The following RHBG variants were observed in gnomAD, a reference collection of about 807,000 sequenced individuals.
RHBG encodes the protein ammonium transporter Rh type B.
A neutral mutation model predicts 40.1 loss-of-function variants in RHBG; 39 were observed. The ratio of observed to expected loss-of-function variants is 0.97; its 90% CI spans 0.75 to 1.27. The LOEUF (loss-of-function observed/expected upper bound fraction) is 1.27. RHBG is among the 50% of genes most tolerant of loss of function. The probability of loss-of-function intolerance (pLI) is 0.00; values close to 1 mark genes in which losing one functional copy is unlikely to be tolerated. For missense variants in RHBG, 549 were observed against 588.1 expected (o/e 0.93, Z 0.69); for synonymous variants, 237 against 252.5 (o/e 0.94, Z 0.58).
Position 156,385,039 on chromosome 1 carries a change from C to T in RHBG, c.*194C>T. The stretch of plus-strand genomic sequence containing the variant: ...GGCTGGGAAATGGTGGGGAGTGGGG[C>T]CGTAACTGGGTACAATAGGGGGAAC... On this transcript the variant is annotated 3_prime_UTR_variant, in exon 10 of 10. Transcript: ENST00000537040. The T allele has an allele frequency of 1.8e-6, 1 of 557,550 alleles. No individual in the cohort carries two copies. The highest frequency in any genetic ancestry group is 3.0e-5 in the Admixed American group (1 of 33,048). 34.5% of individuals were successfully genotyped at this position (557,550 alleles called of 1,614,324 possible). A position where few individuals can be genotyped will look rare whatever the true frequency, so the allele number is the denominator to read the frequency against.
chr1:156,378,779 C>A (rs1055341027), intron 4 of RHBG, among the ~76,000 whole-genome samples: 1 of 152,146 alleles, frequency 6.6e-6, no homozygotes, highest in Non-Finnish European at 1.5e-5. Context: ...CACCTCCAGG[C>A]CTTTGCCTGT....
rs2101785748 is a variant in RHBG at position 156,378,462 on chromosome 1, A to T, written c.673+63A>T. 9.9e-6 allele frequency: 15 copies of T among 1,516,154 alleles called. No individual in the cohort carries two copies. The South Asian group carries it at 2.0e-4, about 20-fold the overall frequency. The allele number at this position is 1,516,154 out of a possible 1,614,324, so 93.9% of individuals were successfully genotyped here. A position where few individuals can be genotyped will look rare whatever the true frequency, so the allele number is the denominator to read the frequency against. On this transcript the variant is annotated intron_variant, in intron 4 of 9. Coordinates refer to ENST00000537040, the MANE Select transcript of RHBG (RefSeq NM_020407.5). ...GGTCTGGAGGCCTCATCTGGGCCAG[A>T]GGTGACTGTCTCTCGGGGTGCTGAC...
rs751327047 is a variant in RHBG, at chr1:156,384,564, A to G, written c.1272A>G (p.Pro424=). The G allele has an allele frequency of 6.4e-7, 1 of 1,561,112 alleles. No homozygotes were observed. The highest frequency in any genetic ancestry group is 8.7e-7 in the Non-Finnish European group (1 of 1,146,894). The stretch of plus-strand genomic sequence containing the variant: ...AGCTACCCTTTCTGGACTCCCCCCC[A>G]GACTCCCAGCACTACGAGGACCAAG... ...LLKLPFLDSP[P]DSQHYEDQVH... is the part of the protein sequence containing the mutation. The change falls in exon 9 of 10, where the codon CCA becomes CCG. Residue 424 remains proline (P), a synonymous_variant. Transcript: ENST00000537040.
At chr1:156,380,813 C>G (rs1247146111) in intron 4 of RHBG, among the ~76,000 whole-genome samples, 5 of 151,946 alleles carry the variant, frequency 3.3e-5, no homozygotes, top group Non-Finnish European at 7.4e-5. Context: ...TCAATAGCTG[C>G]CATTTGCTGG....
intron 6 of RHBG, 35 bp downstream of exon 6, chr1:156,381,978 G>C (rs1399439237): frequency 6.2e-7 from 1 of 1,610,340 alleles, no homozygotes; most frequent in Non-Finnish European, 8.5e-7. Context: ...GCAGAACATG[G>C]AGTCTTTGGT....
chr1:156,378,480 G>A (rs1394662096), intron 4 of RHBG, 81 bp downstream of exon 4: 2 of 1,488,684 alleles, frequency 1.3e-6, no homozygotes, highest in Admixed American at 2.3e-5. Context: ...GTCTCTCGGG[G>A]TGCTGACTGC....
intron 4 of RHBG, among the ~76,000 whole-genome samples, chr1:156,381,105 T>C (rs1180087568): frequency 1.3e-5 from 2 of 152,182 alleles, no homozygotes; most frequent in Middle Eastern, 3.2e-3. Context: ...TTTCACTATG[T>C]TGTCCAGGCT....
At position 156,369,254 on chromosome 1, in the gene RHBG, C is replaced by A. The variant is rs773537110; in HGVS notation, c.5C>A (p.Ala2Asp). Residue 2 changes from alanine (A) to aspartate (D), a missense_variant, in exon 1 of 10, where the codon GCC (alanine) becomes GAC (aspartate). Coordinates refer to ENST00000537040, the MANE Select transcript of RHBG (RefSeq NM_020407.5). M[A>D]GSPSRAAGRR... ...GCCGAGATCGCAGCCCAACCCATGG[C>A]CGGGTCTCCTAGCCGCGCCGCGGGC... 2 of 1,612,702 alleles carry A rather than the reference C, an allele frequency of 1.2e-6. No individual in the cohort carries two copies. The highest frequency in any genetic ancestry group is 2.2e-5 in the South Asian group (2 of 90,992).
intron 8 of RHBG, among the ~76,000 whole-genome samples, chr1:156,383,518 C>T (rs1416826740): frequency 3.3e-5 from 5 of 152,264 alleles, no homozygotes; most frequent in African/African-American, 9.6e-5. Context: ...TTAGGTGATC[C>T]GCCCGCCTCG....
At chr1:156,369,478 G>A (rs1365283906) in intron 1 of RHBG, 42 bp downstream of exon 1, 3 of 1,544,064 alleles carry the variant, frequency 1.9e-6, no homozygotes, top group Admixed American at 1.9e-5. Context: ...AAGACCCCAA[G>A]ATTTGCAAAG....
rs1667259487 is a variant in RHBG at position 156,377,157 on chromosome 1, C to T, written c.188-144C>T. ...GCAGGTGGCTCAGGGCTGGGAGCCCCTGACATGCCTGGGGAGTTTTATAGG... is the reference window on the plus strand; with the variant it reads ...GCAGGTGGCTCAGGGCTGGGAGCCCTTGACATGCCTGGGGAGTTTTATAGG... On this transcript the variant is annotated intron_variant, in intron 1 of 9. Coordinates refer to ENST00000537040, the MANE Select transcript of RHBG (RefSeq NM_020407.5). This position sits in a 1 kb window ranked among gnomAD's most constrained non-coding sequence, Gnocchi z 4.6. The T allele has an allele frequency of 2.2e-6, 2 of 917,888 alleles. No homozygotes were observed. The highest frequency in any genetic ancestry group is 3.3e-5 in the African/African-American group (2 of 60,526). 56.9% of individuals were successfully genotyped at this position (917,888 alleles called of 1,614,324 possible).
rs141028612 is a variant in RHBG, at chr1:156,375,352, C to T, written c.188-1949C>T. ...CCTCCCAAAGTGCTGGGATTACAGG[C>T]GTGAGCCACTGCGCCCAGCCTCAGA... On this transcript the variant is annotated intron_variant, in intron 1 of 9. Coordinates refer to ENST00000537040, the MANE Select transcript of RHBG (RefSeq NM_020407.5). Among the ~76,000 whole-genome samples, 34 of 152,042 alleles carry T rather than the reference C, an allele frequency of 2.2e-4. No homozygotes were observed. In the East Asian group the frequency reaches 2.5e-3, roughly 11 times the overall value.
intron 8 of RHBG, among the ~76,000 whole-genome samples, chr1:156,383,941 C>T (rs770445048): frequency 7.4e-5 from 11 of 149,170 alleles, no homozygotes; most frequent in Non-Finnish European, 1.2e-4. Flanking sequence ...TCAAGCGATT[C>T]TCCTGCCTCA....
intron 1 of RHBG, among the ~76,000 whole-genome samples, chr1:156,375,946 A>T (rs1217959280): frequency 6.6e-6 from 1 of 151,896 alleles, no homozygotes; most frequent in Non-Finnish European, 1.5e-5. Context: ...GGGGTCCACT[A>T]TGTTACCCAG....
intron 4 of RHBG, among the ~76,000 whole-genome samples, chr1:156,378,679 A>G (rs1246023932): frequency 6.6e-6 from 1 of 152,182 alleles, no homozygotes; most frequent in African/African-American, 2.4e-5. Context: ...GCCACAGGTT[A>G]GAAAGTGGCC....
intron 4 of RHBG, among the ~76,000 whole-genome samples, chr1:156,379,058 G>A (rs1277432916): frequency 1.3e-5 from 2 of 150,806 alleles, no homozygotes; most frequent in African/African-American, 2.4e-5. Context: ...GCAGTGGTGC[G>A]ATCTCAGCTC....
intron 1 of RHBG, among the ~76,000 whole-genome samples, chr1:156,373,766 A>G (rs1277343516): frequency 6.6e-6 from 1 of 152,186 alleles, no homozygotes; most frequent in African/African-American, 2.4e-5. Context: ...CTTGGACCCA[A>G]CACCCTTCCT....
chr1:156,376,220 T>C (rs1667186752), intron 1 of RHBG, among the ~76,000 whole-genome samples: 1 of 152,008 alleles, frequency 6.6e-6, no homozygotes, highest in Admixed American at 6.6e-5. Context: ...AAAAGTAAAA[T>C]CATCCTTCCC....
chr1:156,384,141 G>A lies in RHBG; in HGVS notation c.1235-386G>A, dbSNP rs1216286709. 2.0e-5 allele frequency among the ~76,000 whole-genome samples: 3 copies of A among 152,330 alleles called. No homozygotes were observed. The East Asian group carries it at 5.8e-4, about 29-fold the overall frequency. ...GAGCCACTGCGCCCGGCCACAATAA[G>A]CATTTCCTGTGCCCCTCCTGTGTGG... On this transcript the variant is annotated intron_variant, in intron 8 of 9. Coordinates refer to ENST00000537040, the MANE Select transcript of RHBG (RefSeq NM_020407.5).
Sources: allele counts gnomAD v4.1 joint callset (sites outside exome capture counted in the v4.1 genomes callset), GRCh38; gene constraint gnomAD v4.1.1; non-coding constraint Gnocchi (gnomAD v3.1); transcripts MANE v1.5; gene names NCBI Gene and HGNC (gene_info 2026-07-23, HGNC 2026-07-21).